Variants in HDAC9 observed in about 807,000 individuals in gnomAD.
The protein encoded by HDAC9 is MEF-2 interacting transcription repressor (MITR) protein.
In HDAC9, 41 loss-of-function variants were observed where a neutral mutation model predicts 139.4. The ratio of observed to expected loss-of-function variants is 0.29; its 90% confidence interval spans 0.23 to 0.38. The LOEUF (loss-of-function observed/expected upper bound fraction) is 0.38, where lower values mean the gene tolerates loss of function less well. Among genes scored for constraint, HDAC9 ranks in the 10% least tolerant of loss-of-function variants. The pLI, the probability that HDAC9 is intolerant of heterozygous loss-of-function variation, is 1.00. For synonymous variants in HDAC9, 517 were observed against 476.2 expected (o/e 1.09, Z -1.12); for missense variants, 1,147 against 1,297.0 (o/e 0.88, Z 1.78).
At chr7:18,981,179 A>G (rs1784926522) in intron 25 of HDAC9, among the ~76,000 whole-genome samples, 1 of 152,156 alleles carries the variant, frequency 6.6e-6, no homozygotes, top group Admixed American at 6.6e-5. Context: ...ATAAGAATAT[A>G]GAGCCTATAC....
At chr7:18,916,022 G>GAAAAAAAAAAAAAACAAAAAAAAAAAA (rs1803173466) in intron 22 of HDAC9, among the ~76,000 whole-genome samples, 1 of 138,122 alleles carries the variant, frequency 7.2e-6, no homozygotes, top group African/African-American at 2.6e-5. Context: ...CCCCCCGCTG[G>GAAAAAAAAAAAAAACAAAAAAAAAAAA]AAAAAAAAAA....
chr7:18,926,272 C>G (rs759143505), intron 22 of HDAC9, among the ~76,000 whole-genome samples: 3 of 151,986 alleles, frequency 2.0e-5, no homozygotes, highest in Non-Finnish European at 2.9e-5. Flanking sequence ...TGTTTGGGCC[C>G]TGTAATTTTA....
At chr7:18,574,161 T>C (rs1825231051) in intron 2 of HDAC9, among the ~76,000 whole-genome samples, 1 of 152,224 alleles carries the variant, frequency 6.6e-6, no homozygotes, top group Non-Finnish European at 1.5e-5. Flanking sequence ...CAGCTCTCAG[T>C]GGAGAGGAGA....
rs543622644 is a variant in HDAC9, at chr7:18,721,540, G to T, written c.1732-6040G>T. On this transcript the variant is annotated intron_variant, in intron 12 of 25. Coordinates refer to ENST00000686413, the MANE Select transcript of HDAC9 (RefSeq NM_178425.4). ...TCCAAGTAGTCTATGAGTGTCTCTT[G>T]CTCTGTATTTTCAGAGTATGCATTA... Among the ~76,000 whole-genome samples, 10 of 152,040 alleles carry T rather than the reference G, an allele frequency of 6.6e-5. No individual in the cohort carries two copies. In the South Asian group the frequency reaches 2.1e-3, roughly 32 times the overall value.
At chr7:18,779,337 G>C (rs1051353477) in intron 16 of HDAC9, among the ~76,000 whole-genome samples, 1 of 151,860 alleles carries the variant, frequency 6.6e-6, no homozygotes, top group Admixed American at 6.6e-5. Flanking sequence ...TATCACAAGG[G>C]AGAAGGGAAA....
chr7:18,908,243 A>ATT (rs1802443386), intron 22 of HDAC9, among the ~76,000 whole-genome samples: 3 of 152,230 alleles, frequency 2.0e-5, no homozygotes, highest in African/African-American at 7.2e-5. Context: ...ACTCTTTAAA[A>ATT]AAAATTTTAA....
At chr7:18,968,940 C>T (rs1784065901) in intron 24 of HDAC9, among the ~76,000 whole-genome samples, 1 of 114,688 alleles carries the variant, frequency 8.7e-6, no homozygotes, top group South Asian at 3.1e-4. Flanking sequence ...GCCTGGACGA[C>T]AGAGCGAGCC....
chr7:18,932,781 G>T (rs545110333), intron 22 of HDAC9, among the ~76,000 whole-genome samples: 2 of 147,902 alleles, frequency 1.4e-5, no homozygotes, highest in African/African-American at 2.5e-5. Flanking sequence ...GAGAAAGAAC[G>T]TAAGAGAGAA....
intron 2 of HDAC9, among the ~76,000 whole-genome samples, chr7:18,528,319 G>T (rs925016222): frequency 2.0e-5 from 3 of 151,390 alleles, no homozygotes; most frequent in Admixed American, 6.6e-5. Context: ...TTTGGAGCTG[G>T]TAAGAAGAAA....
chr7:18,579,066 G>A (rs1826951181), intron 2 of HDAC9, among the ~76,000 whole-genome samples: 1 of 152,232 alleles, frequency 6.6e-6, no homozygotes, highest in Non-Finnish European at 1.5e-5. Context: ...CACTTGCTAA[G>A]TTAGCATCAG....
rs537905995 is a variant in HDAC9, at chr7:18,786,584, G to T, written c.2215-6761G>T. The stretch of plus-strand genomic sequence containing the variant: ...TCACACCTCTTGGGTATGGCTGGCT[G>T]GCTTCCTTCCTTCCTTCCTTCCTTC... On this transcript the variant is annotated intron_variant, in intron 16 of 25. Transcript: ENST00000686413. Among the ~76,000 whole-genome samples, 59 of 50,524 alleles carry T rather than the reference G, an allele frequency of 1.2e-3. 1 individual carries two copies. Among genetic ancestry groups the T allele is most frequent in the African/African-American group, 4.3e-3 (47 of 10,970 alleles). The allele number at this position is 50,524 out of a possible 152,430, so 33.1% of individuals were successfully genotyped here.
upstream of HDAC9, among the ~76,000 whole-genome samples, chr7:18,495,539 G>A (rs1458585966): frequency 2.0e-5 from 3 of 152,088 alleles, no homozygotes; most frequent in Non-Finnish European, 2.9e-5. Context: ...ATTATGGTTG[G>A]AAAGATAGAG....
rs1363998123 is a variant in HDAC9 at position 18,696,262 on chromosome 7, A to G, written c.1731+29786A>G. ...TTGGCTGTGAAATTATAGTTAAATTATCTTAAATGTTGTCACAAGATGCAA... is the reference window on the plus strand; with the variant it reads ...TTGGCTGTGAAATTATAGTTAAATTGTCTTAAATGTTGTCACAAGATGCAA... On this transcript the variant is annotated intron_variant, in intron 12 of 25. Transcript: ENST00000686413. Among the ~76,000 whole-genome samples the G allele has an allele frequency of 3.3e-5, 5 of 151,184 alleles. No homozygotes were observed. The South Asian group carries it at 6.2e-4, about 19-fold the overall frequency.
chr7:18,172,900 TGTG>T (rs1215691253), intron 2 of HDAC9, among the ~76,000 whole-genome samples: 6 of 152,210 alleles, frequency 3.9e-5, no homozygotes, highest in African/African-American at 1.2e-4. Flanking sequence ...GTAAGTGCGA[TGTG>T]GTGTTGAGAA....
intron 2 of HDAC9, among the ~76,000 whole-genome samples, chr7:18,582,527 A>T (rs1373646855): frequency 6.6e-6 from 1 of 151,502 alleles, no homozygotes; most frequent in Non-Finnish European, 1.5e-5. Flanking sequence ...TATATTTTTT[A>T]AATGGTTATC....
chr7:18,100,579 T>C (rs1263536812), intron 1 of HDAC9, among the ~76,000 whole-genome samples: 1 of 152,216 alleles, frequency 6.6e-6, no homozygotes, highest in East Asian at 1.9e-4. Context: ...ATCTCACACA[T>C]TGTAGTTTTC....
intron 1 of HDAC9, among the ~76,000 whole-genome samples, chr7:18,139,257 C>T: frequency 6.6e-6 from 1 of 151,522 alleles, no homozygotes; most frequent in Non-Finnish European, 1.5e-5. Context: ...TTTCAAGTAG[C>T]TGGTACTGCA....
chr7:18,119,838 T>C (rs185384464), intron 1 of HDAC9, among the ~76,000 whole-genome samples: 12 of 152,324 alleles, frequency 7.9e-5, no homozygotes, highest in Admixed American at 7.2e-4. Context: ...GGATTTTACA[T>C]CCTTTCAACT....
In HDAC9 at chr7:18,585,453, A is replaced by T; in HGVS notation, c.195A>T (p.Ile65=). 6.2e-7 allele frequency: 1 copy of T among 1,613,986 alleles called. No homozygotes were observed. Among genetic ancestry groups the T allele is most frequent in the Non-Finnish European group, 8.5e-7 (1 of 1,179,872 alleles). The change falls in exon 3 of 26, where the codon ATA becomes ATT. Residue 65 remains isoleucine, a synonymous_variant. Transcript: ENST00000686413. ...AACAAATCCAGAAGCAGCTTCTGAT[A>T]GCAGAGTTTCAGAAACAGCATGAGA... ...QQQQIQKQLL[I]AEFQKQHENL...
Sources: allele counts gnomAD v4.1 joint callset (sites outside exome capture counted in the v4.1 genomes callset), GRCh38; gene constraint gnomAD v4.1.1; transcripts MANE v1.5; gene names NCBI Gene and HGNC (gene_info 2026-07-23, HGNC 2026-07-21).